MAP6: variants seen among roughly 807,000 people sequenced by gnomAD.
MAP6 encodes the protein microtubule-associated protein 6.
Under a neutral mutation model 42.4 loss-of-function variants are expected in MAP6, and 26 were observed. The ratio of observed to expected loss-of-function variants is 0.61; its 90% confidence interval spans 0.45 to 0.85. The LOEUF is 0.85. MAP6 is among the 40% of genes least tolerant of loss of function. The probability of loss-of-function intolerance (pLI) is 0.00; values close to 1 mark genes in which losing one functional copy is unlikely to be tolerated. For synonymous variants in MAP6, 418 were observed against 443.8 expected (o/e 0.94, Z 0.73); for missense variants, 966 against 1,099.0 (o/e 0.88, Z 1.71).
At chr11:75,605,148 A>C in intron 3 of MAP6, 1 of 985,434 alleles carries the variant, frequency 1.0e-6, no homozygotes, top group Non-Finnish European at 1.2e-6. Flanking sequence ...TTTAGTTATC[A>C]GTGGCGTATC....
In MAP6 at chr11:75,667,792, G is replaced by T. The variant is rs1160263874; in HGVS notation, c.578C>A (p.Ala193Glu). The change falls in exon 1 of 4, where the codon GCG becomes GAG. Residue 193 changes from alanine to glutamate, a missense_variant. Ala to Glu is a moderately radical substitution (Grantham distance 107). Transcript: ENST00000304771. The surrounding 1 kb of genome is among the most constrained non-coding windows in gnomAD (Gnocchi z 5.6). ...CTGGCTCTGCGGCCGGCGCTTGGGC[G>T]CCCCGAGAATGGGCGCCGACGCCTG... ...ASQASAPILG[A>E]PKRRPQSQER... 1.5e-6 allele frequency: 2 copies of T among 1,305,836 alleles called. No individual in the cohort carries two copies. The highest frequency in any genetic ancestry group is 1.5e-5 in the African/African-American group (1 of 64,796). The allele number at this position is 1,305,836 out of a possible 1,614,324, so 80.9% of individuals were successfully genotyped here. A position where few individuals can be genotyped will look rare whatever the true frequency, so the allele number is the denominator to read the frequency against.
intron 1 of MAP6, among the ~76,000 whole-genome samples, chr11:75,640,189 A>AC (rs143516140): frequency 0.073 from 7,719 of 106,382 alleles, 262 homozygotes; most frequent in East Asian, 0.17. Context: ...ACCAACCCCC[A>AC]CCCCCCCACA....
intron 1 of MAP6, among the ~76,000 whole-genome samples, chr11:75,611,408 G>A (rs1000030073): frequency 6.6e-6 from 1 of 152,234 alleles, no homozygotes; most frequent in Non-Finnish European, 1.5e-5. Flanking sequence ...GCTGGGGAGC[G>A]TCTCACCTGT....
At chr11:75,640,044 C>G (rs1306978221) in intron 1 of MAP6, among the ~76,000 whole-genome samples, 14 of 152,160 alleles carry the variant, frequency 9.2e-5, no homozygotes, top group Admixed American at 9.2e-4. Flanking sequence ...TTGGCAACCT[C>G]CACACTGGTA....
chr11:75,653,312 T>C lies in MAP6; in HGVS notation c.905+14153A>G, dbSNP rs113228775. ...CATCCCTGAAAAATCATGTGAAATATACCAAATCCTCGGGAGGAGTCCTTG... is the reference window on the plus strand; with the variant it reads ...CATCCCTGAAAAATCATGTGAAATACACCAAATCCTCGGGAGGAGTCCTTG... On this transcript the variant is annotated intron_variant, in intron 1 of 3. Coordinates refer to ENST00000304771, the MANE Select transcript of MAP6 (RefSeq NM_033063.2). Among the ~76,000 whole-genome samples the C allele has an allele frequency of 3.4e-3, 512 of 152,304 alleles. 2 individuals carry two copies. Among genetic ancestry groups the C allele is most frequent in the African/African-American group, 0.012 (487 of 41,558 alleles).
At chr11:75,653,946 G>A (rs889146569) in intron 1 of MAP6, among the ~76,000 whole-genome samples, 6 of 152,224 alleles carry the variant, frequency 3.9e-5, no homozygotes, top group Admixed American at 3.9e-4. Context: ...GCACTGTGCT[G>A]AGCACTGTAT....
chr11:75,614,009 A>G (rs1033436090), intron 1 of MAP6, among the ~76,000 whole-genome samples: 1 of 152,190 alleles, frequency 6.6e-6, no homozygotes, highest in Non-Finnish European at 1.5e-5. Flanking sequence ...TTTTCAGAGG[A>G]GTCAACAAAC....
At chr11:75,649,492 A>ATACCTGT (rs1943613740) in intron 1 of MAP6, among the ~76,000 whole-genome samples, 1 of 152,158 alleles carries the variant, frequency 6.6e-6, no homozygotes, top group Admixed American at 6.5e-5. Context: ...TACCTGAAAA[A>ATACCTGT]ATATTTTTTA....
Position 75,667,413 on chromosome 11 carries a change from C to T in MAP6, c.905+52G>A, listed in dbSNP as rs1590817103. The T allele has an allele frequency of 2.9e-6, 4 of 1,381,486 alleles. No homozygotes were observed. The highest frequency in any genetic ancestry group is 1.9e-6 in the Non-Finnish European group (2 of 1,067,694). 85.6% of individuals were successfully genotyped at this position (1,381,486 alleles called of 1,614,324 possible). ...GGGATCCTGGGCCCCGGGCAGCCCG[C>T]GGGGAGGGTCTGCGTGGTGACTCCC... On this transcript the variant is annotated intron_variant, in intron 1 of 3. Coordinates refer to ENST00000304771, the MANE Select transcript of MAP6 (RefSeq NM_033063.2). This position sits in a 1 kb window ranked among gnomAD's most constrained non-coding sequence, Gnocchi z 5.6.
chr11:75,642,882 A>G, intron 1 of MAP6: 1 of 494,488 alleles, frequency 2.0e-6, no homozygotes. Context: ...CTGTTGCAGC[A>G]TCCAGTTCAT....
In MAP6 at chr11:75,605,487, G is replaced by A. The variant is rs76781451; in HGVS notation, c.1316+321C>T. 6,288 of 1,125,498 alleles carry A rather than the reference G, an allele frequency of 5.6e-3. 217 individuals are homozygous for A. The East Asian group carries it at 0.12, about 22-fold the overall frequency. The allele number at this position is 1,125,498 out of a possible 1,614,324, so 69.7% of individuals were successfully genotyped here. On this transcript the variant is annotated intron_variant, in intron 3 of 3. Transcript: ENST00000304771. Reference sequence around the variant, plus strand: ...CCCACAGACACTTCCAAGCACTGCCGGGAGATTCGTTTCGCCTCTCAGACC... The same window carrying A: ...CCCACAGACACTTCCAAGCACTGCCAGGAGATTCGTTTCGCCTCTCAGACC...
intron 1 of MAP6, among the ~76,000 whole-genome samples, chr11:75,659,777 T>C (rs1943811658): frequency 6.6e-6 from 1 of 152,370 alleles, no homozygotes; most frequent in Non-Finnish European, 1.5e-5. Context: ...TTAATCTTAA[T>C]GAACATTTGT....
chr11:75,587,754 C>G lies in MAP6; in HGVS notation c.1747G>C (p.Asp583His), dbSNP rs772776757. ...QAPMVPAPVK[D>H]EGPMVSASVK... ...GATGCTGAGACCATGGGACCTTCAT[C>G]CTTGACAGGTGCTGGGACCATAGGA... Residue 583 changes from aspartate to histidine, a missense_variant, in exon 4 of 4, where the codon GAT becomes CAT. Around this residue, in one of 2 missense-constraint regions of MAP6, gnomAD observed 943 missense variants for 1,049.9 expected, o/e 0.90. Transcript: ENST00000304771. 10 of 1,613,204 alleles carry G rather than the reference C, an allele frequency of 6.2e-6. No individual in the cohort carries two copies. Among genetic ancestry groups the G allele is most frequent in the Non-Finnish European group, 8.5e-6 (10 of 1,179,344 alleles).
At chr11:75,604,884 C>G (rs552199446) in intron 3 of MAP6, 1 of 985,478 alleles carries the variant, frequency 1.0e-6, no homozygotes, top group African/African-American at 1.7e-5. Flanking sequence ...GAGTAAACAT[C>G]GCCACACTTG....
chr11:75,615,559 T>C (rs1942981649), intron 1 of MAP6, among the ~76,000 whole-genome samples: 1 of 152,172 alleles, frequency 6.6e-6, no homozygotes, highest in South Asian at 2.1e-4. Flanking sequence ...GACCTTGTTG[T>C]CAGGTGGGGA....
At chr11:75,619,593 T>A (rs1234739435) in intron 1 of MAP6, among the ~76,000 whole-genome samples, 1 of 152,192 alleles carries the variant, frequency 6.6e-6, no homozygotes, top group African/African-American at 2.4e-5. Context: ...CACTTATAAG[T>A]GAGAACATGC....
chr11:75,661,047 T>TA (rs1943835558), intron 1 of MAP6, among the ~76,000 whole-genome samples: 1 of 152,064 alleles, frequency 6.6e-6, no homozygotes, highest in Non-Finnish European at 1.5e-5. Context: ...TAGAGATTAT[T>TA]TTTAAATCCA....
rs113596113 is a variant in MAP6 at position 75,605,548 on chromosome 11, C to CG, written c.1316+259_1316+260insC. The CG allele has an allele frequency of 1.1e-4, 136 of 1,268,774 alleles. No homozygotes were observed. In the African/African-American group the frequency reaches 1.6e-3, roughly 15 times the overall value. The allele number at this position is 1,268,774 out of a possible 1,614,324, so 78.6% of individuals were successfully genotyped here. A position where few individuals can be genotyped will look rare whatever the true frequency, so the allele number is the denominator to read the frequency against. On this transcript the variant is annotated intron_variant, in intron 3 of 3. Coordinates refer to ENST00000304771, the MANE Select transcript of MAP6 (RefSeq NM_033063.2). ...GCTCATCAGCATGCAGTCAGAGTGC[C>CG]AGGGGAGGGCACAGCCAGCGGCAAC...
intron 3 of MAP6, among the ~76,000 whole-genome samples, chr11:75,599,651 C>G (rs1023524232): frequency 5.1e-4 from 77 of 152,196 alleles, no homozygotes; most frequent in African/African-American, 1.8e-3. Context: ...GCTGGAGGAC[C>G]TGGAATGGCC....
Sources: allele counts gnomAD v4.1 joint callset (sites outside exome capture counted in the v4.1 genomes callset), GRCh38; gene constraint gnomAD v4.1.1; regional missense constraint gnomAD v4.1.1; non-coding constraint Gnocchi (gnomAD v3.1); transcripts MANE v1.5; gene names NCBI Gene and HGNC (gene_info 2026-07-23, HGNC 2026-07-21).